ADGRF1: variants seen among roughly 807,000 people sequenced by gnomAD.
ADGRF1 encodes adhesion G protein-coupled receptor F1.
ADGRF1 carries 85 observed loss-of-function variants against 87.2 expected under a neutral mutation model. The ratio of observed to expected loss-of-function variants is 0.97; its 90% CI spans 0.82 to 1.17. ADGRF1 has a LOEUF of 1.17. ADGRF1 is among the 50% of genes most tolerant of loss of function. The pLI, the probability that ADGRF1 is intolerant of heterozygous loss-of-function variation, is 0.00. For missense variants in ADGRF1, 1,169 were observed against 1,077.2 expected (o/e 1.09, Z -1.19); for synonymous variants, 430 against 408.8 (o/e 1.05, Z -0.63).
In ADGRF1 at chr6:47,024,140, GA is replaced by G. The variant is rs750394192; in HGVS notation, c.354del (p.Gln120ArgfsTer48). On this transcript the variant is annotated frameshift_variant, in exon 5 of 15. Transcript: ENST00000371253. LOFTEE classifies it high-confidence loss of function. ...SYTWFPPSCLDPQNCYLHTAG... is the reference protein window; with the variant it reads ...SYTWFPPSCLXPQNCYLHTAG... ...GCCGTGTGAAGGTAGCAGTTCTGGG[GA>G]TCAAGGCATGAGGGAGGAAACCAGG... The G allele has an allele frequency of 1.9e-6, 3 of 1,613,890 alleles. No individual in the cohort carries two copies. In the East Asian group the frequency reaches 6.7e-5, roughly 36 times the overall value.
intron 9 of ADGRF1, chr6:47,012,470 T>C (rs1235286585): frequency 1.9e-6 from 1 of 517,756 alleles, no homozygotes; most frequent in East Asian, 7.1e-5. Flanking sequence ...CAATATCCTT[T>C]GAGGGAGGTG....
Position 47,012,087 on chromosome 6 carries a change from C to G in ADGRF1, c.1036G>C (p.Ala346Pro). 7 of 1,614,076 alleles carry G rather than the reference C, an allele frequency of 4.3e-6. No individual in the cohort carries two copies. Among genetic ancestry groups the G allele is most frequent in the Non-Finnish European group, 5.9e-6 (7 of 1,179,988 alleles). Residue 346 changes from alanine to proline, a missense_variant, in exon 10 of 15, where the codon GCT becomes CCT. Coordinates refer to ENST00000371253, the MANE Select transcript of ADGRF1 (RefSeq NM_153840.4). ...TTGCTCAGAATCGACACCACCGAAGCCAGATTCCCCACTGTGGTTGATGGG... is the reference window on the plus strand; with the variant it reads ...TTGCTCAGAATCGACACCACCGAAGGCAGATTCCCCACTGTGGTTGATGGG... Reference protein sequence around the residue: ...QNPSTTVGNLASVVSILSNIS... With the variant: ...QNPSTTVGNLPSVVSILSNIS...
intron 12 of ADGRF1, 42 bp downstream of exon 12, chr6:47,007,211 A>T (rs1003538789): frequency 1.3e-5 from 16 of 1,254,274 alleles, no homozygotes; most frequent in Non-Finnish European, 1.8e-5. Flanking sequence ...GGGGCCTAAG[A>T]TGTCTAGGCT....
At chr6:47,030,775 T>C (rs1428095353) in intron 1 of ADGRF1, among the ~76,000 whole-genome samples, 7 of 152,074 alleles carry the variant, frequency 4.6e-5, no homozygotes, top group Non-Finnish European at 1.0e-4. Flanking sequence ...TTCACTCTTT[T>C]TTTTTGAGAT....
intron 9 of ADGRF1, chr6:47,014,303 A>G: frequency 2.0e-6 from 2 of 1,005,610 alleles, no homozygotes; most frequent in Non-Finnish European, 2.4e-6. Context: ...CCTTACTTGT[A>G]CTAAGCCTGC....
intron 4 of ADGRF1, among the ~76,000 whole-genome samples, chr6:47,024,465 C>T (rs1318649401): frequency 6.6e-6 from 1 of 152,192 alleles, no homozygotes; most frequent in Non-Finnish European, 1.5e-5. Context: ...CAGGCACGCA[C>T]CATCACCCTG....
rs1267117132 is a variant in ADGRF1, at chr6:47,020,715, C to T, written c.611+16G>A. The stretch of plus-strand genomic sequence containing the variant: ...CAATTCTGGGGATGCCCTTCTAAGA[C>T]CATTGTGTTACTTACCGAAATTGGG... On this transcript the variant is annotated intron_variant, in intron 7 of 14. Transcript: ENST00000371253. 6 of 1,612,620 alleles carry T rather than the reference C, an allele frequency of 3.7e-6. No individual in the cohort carries two copies. The African/African-American group carries it at 6.7e-5, about 18-fold the overall frequency.
At chr6:47,001,681 C>T (rs780589423) in intron 13 of ADGRF1, 114 bp from the exon 14 acceptor site, 19 of 775,324 alleles carry the variant, frequency 2.5e-5, no homozygotes, top group Middle Eastern at 2.7e-4. Context: ...TTCATAGGTG[C>T]TATTCTCTTT....
intron 11 of ADGRF1, 66 bp downstream of exon 11, chr6:47,008,879 C>G (rs1779605808): frequency 6.9e-7 from 1 of 1,444,070 alleles, no homozygotes; most frequent in Non-Finnish European, 9.3e-7. Flanking sequence ...AGTGGTTTTA[C>G]CTGCCTGAGT....
intron 11 of ADGRF1, among the ~76,000 whole-genome samples, chr6:47,007,604 T>C (rs1204696046): frequency 1.3e-5 from 2 of 152,238 alleles, no homozygotes; most frequent in Non-Finnish European, 2.9e-5. Flanking sequence ...CATCCTTTTT[T>C]GTCTGTATCT....
chr6:47,001,500 C>T lies in ADGRF1; in HGVS notation c.2659+1G>A. On this transcript the variant is annotated splice_donor_variant, in intron 14 of 14. Coordinates refer to ENST00000371253, the MANE Select transcript of ADGRF1 (RefSeq NM_153840.4). LOFTEE classifies it high-confidence loss of function. ...TAACCTTTGGTTTTATTGTAACTCA[C>T]CTTTGTTTTGCAGTGGGTTGAAAGG... is the stretch of plus-strand genomic sequence containing the variant. The T allele has an allele frequency of 6.2e-7, 1 of 1,613,300 alleles. No individual in the cohort carries two copies. The highest frequency in any genetic ancestry group is 8.5e-7 in the Non-Finnish European group (1 of 1,179,446).
rs772328852 is a variant in ADGRF1, at chr6:47,014,712, C to A, written c.896G>T (p.Cys299Phe). Residue 299 changes from cysteine to phenylalanine, a missense_variant, in exon 9 of 15, where the codon TGT (cysteine) becomes TTT (phenylalanine). Physicochemically the swap from Cys to Phe is radical, Grantham distance 205 (BLOSUM62 -2). Transcript: ENST00000371253. ...CAGTTCTTCAAGCAGAGAGAGCACA[C>A]AAGTCTCCCTGATGACCTGCCACCC... ...SSGWQVIRET[C>F]VLSLLEELNK... The A allele has an allele frequency of 3.7e-6, 6 of 1,613,940 alleles. No individual in the cohort carries two copies. The highest frequency in any genetic ancestry group is 4.2e-6 in the Non-Finnish European group (5 of 1,179,934).
intron 1 of ADGRF1, among the ~76,000 whole-genome samples, chr6:47,033,416 C>T (rs116759151): frequency 0.012 from 1,764 of 152,366 alleles, 32 homozygotes; most frequent in African/African-American, 0.041. Context: ...TCCTTATCAA[C>T]AGCAGGCTTA....
At chr6:47,032,389 ATT>A (rs138104589) in intron 1 of ADGRF1, among the ~76,000 whole-genome samples, 1 of 152,132 alleles carries the variant, frequency 6.6e-6, no homozygotes, top group Non-Finnish European at 1.5e-5. Flanking sequence ...AATAAACAAT[ATT>A]TTTTTAGTTA....
rs760652795 is a variant in ADGRF1 at position 47,009,217 on chromosome 6, C to T, written c.2218G>A (p.Gly740Arg). Reference sequence around the variant, plus strand: ...ACAAAAGCCAGGAGTGGTTTGCTTCCATTGGACCAGTTAAGCCAACACACA... The same window carrying T: ...ACAAAAGCCAGGAGTGGTTTGCTTCTATTGGACCAGTTAAGCCAACACACA... Reference protein sequence around the residue: ...KDVCWLNWSNGSKPLLAFVVP... With the variant: ...KDVCWLNWSNRSKPLLAFVVP... Residue 740 changes from glycine (G) to arginine (R), a missense_variant, in exon 11 of 15, where the codon GGA (glycine) becomes AGA (arginine). Physicochemically the swap from Gly to Arg is moderately radical, Grantham distance 125. Transcript: ENST00000371253. The T allele has an allele frequency of 6.2e-7, 1 of 1,614,156 alleles. No homozygotes were observed. Among genetic ancestry groups the T allele is most frequent in the South Asian group, 1.1e-5 (1 of 91,080 alleles).
In ADGRF1 at chr6:47,009,391, G is replaced by A. The variant is rs1369897730; in HGVS notation, c.2044C>T (p.Leu682=). 1 of 1,614,072 alleles carries A rather than the reference G, an allele frequency of 6.2e-7. No individual in the cohort carries two copies. Among genetic ancestry groups the A allele is most frequent in the East Asian group, 2.2e-5 (1 of 44,870 alleles). ...FFWMLMLGIL[L]AYRIILVFHH... is the part of the protein sequence containing the mutation. ...AACACGAGGATGATCCGGTAAGCCA[G>A]CAGGATGCCAAGCATGAGCATCCAG... Residue 682 remains leucine (L), a synonymous_variant, in exon 11 of 15, where the codon CTG becomes TTG. Coordinates refer to ENST00000371253, the MANE Select transcript of ADGRF1 (RefSeq NM_153840.4).
chr6:47,032,919 C>T (rs900970972), intron 1 of ADGRF1, among the ~76,000 whole-genome samples: 2 of 152,196 alleles, frequency 1.3e-5, no homozygotes, highest in Non-Finnish European at 2.9e-5. Flanking sequence ...AAAGGAAGGT[C>T]CACAGCAGCA....
chr6:47,014,402 T>C, intron 9 of ADGRF1: 1 of 1,127,752 alleles, frequency 8.9e-7, no homozygotes, highest in Non-Finnish European at 1.1e-6. Flanking sequence ...CTACCATCCA[T>C]CATAGACCTC....
chr6:47,033,952 C>T (rs1278105425), intron 1 of ADGRF1, among the ~76,000 whole-genome samples: 1 of 152,108 alleles, frequency 6.6e-6, no homozygotes, highest in African/African-American at 2.4e-5. Context: ...TCTGGAAGGA[C>T]AGTAATTTAA....
Sources: gnomAD v4.1 joint callset for allele counts (sites outside exome capture counted in the v4.1 genomes callset) on GRCh38, gnomAD v4.1.1 for gene constraint, MANE v1.5 for transcripts, NCBI Gene and HGNC (gene_info 2026-07-23, HGNC 2026-07-21) for gene names.